MDGA2: variants seen among roughly 807,000 people sequenced by gnomAD.
MDGA2 encodes MAM domain containing glycosylphosphatidylinositol anchor 2.
A neutral mutation model predicts 117.8 loss-of-function variants in MDGA2; 40 were observed. The ratio of observed to expected loss-of-function variants is 0.34; its 90% CI spans 0.26 to 0.44. MDGA2 has a LOEUF of 0.44. MDGA2 is among the 20% of genes least tolerant of loss of function. The pLI, the probability that MDGA2 is intolerant of heterozygous loss-of-function variation, is 1.00. For missense variants in MDGA2, 1,123 were observed against 1,250.6 expected, an observed-to-expected ratio of 0.90 and a Z score of 1.54; for synonymous variants, 452 against 439.0, an observed-to-expected ratio of 1.03 and a Z score of -0.37.
rs749400056 is a variant in MDGA2, at chr14:47,001,677, TTAAAA to T, written c.1819+33329_1819+33333del. Among the ~76,000 whole-genome samples the T allele has an allele frequency of 5.3e-4, 80 of 152,190 alleles. 1 individual carries two copies. In the Middle Eastern group the frequency reaches 0.01, roughly 19 times the overall value. ...ACTACACAAAATGTAATTTTTTTTC[TTAAAA>T]TAAAGAATCCACATTACCCCAAGAG... On this transcript the variant is annotated intron_variant, in intron 8 of 16. Coordinates refer to ENST00000399232, the MANE Select transcript of MDGA2 (RefSeq NM_001113498.3).
intron 1 of MDGA2, among the ~76,000 whole-genome samples, chr14:47,311,940 A>AATAGAATAC (rs1322169709): frequency 6.6e-6 from 1 of 152,136 alleles, no homozygotes; most frequent in Non-Finnish European, 1.5e-5. Flanking sequence ...GGGGAGCAAG[A>AATAGAATAC]ATAGAATACA....
rs2138255442 is a variant in MDGA2, at chr14:46,840,838, G to C, written c.*1093C>G. The C allele has an allele frequency of 6.5e-6, 1 of 152,688 alleles. No homozygotes were observed. The highest frequency in any genetic ancestry group is 2.1e-4 in the South Asian group (1 of 4,832). The allele number at this position is 152,688 out of a possible 1,614,324, so 9.5% of individuals were successfully genotyped here. The stretch of plus-strand genomic sequence containing the variant: ...CATTTAATAACCTGGAAGAAAAAAA[G>C]TGTTGCTCCATGTCTGGTCTCAATG... On this transcript the variant is annotated 3_prime_UTR_variant, in exon 17 of 17. Coordinates refer to ENST00000399232, the MANE Select transcript of MDGA2 (RefSeq NM_001113498.3).
At chr14:47,483,579 C>T (rs1347915456) in intron 1 of MDGA2, among the ~76,000 whole-genome samples, 1 of 152,196 alleles carries the variant, frequency 6.6e-6, no homozygotes, top group Non-Finnish European at 1.5e-5. Context: ...CTGTCTCACA[C>T]AGCATCAAGG....
intron 3 of MDGA2, among the ~76,000 whole-genome samples, chr14:47,203,966 A>G (rs1885596910): frequency 6.6e-6 from 1 of 152,020 alleles, no homozygotes; most frequent in Non-Finnish European, 1.5e-5. Context: ...GTGAGATCTG[A>G]CAGGTGTCAA....
chr14:47,331,559 T>C (rs1481387804), intron 1 of MDGA2, among the ~76,000 whole-genome samples: 1 of 152,006 alleles, frequency 6.6e-6, no homozygotes, highest in Admixed American at 6.6e-5. Flanking sequence ...CACTCTTTCA[T>C]ACCACATTTC....
chr14:47,548,657 GACTTC>G (rs1895512804), intron 1 of MDGA2, among the ~76,000 whole-genome samples: 1 of 152,098 alleles, frequency 6.6e-6, no homozygotes, highest in South Asian at 2.1e-4. Context: ...AACTGTCTTA[GACTTC>G]ACTTCTTGTT....
intron 2 of MDGA2, among the ~76,000 whole-genome samples, chr14:47,246,005 T>TC (rs1395837212): frequency 6.6e-6 from 1 of 151,818 alleles, no homozygotes; most frequent in Non-Finnish European, 1.5e-5. Context: ...CACATAGAGC[T>TC]AATGATTAGT....
intron 8 of MDGA2, among the ~76,000 whole-genome samples, chr14:47,015,838 C>T (rs1039303652): frequency 6.6e-6 from 1 of 151,728 alleles, no homozygotes; most frequent in Non-Finnish European, 1.5e-5. Flanking sequence ...AAAATAAACC[C>T]CCAAAATGCA....
chr14:47,637,915 G>A (rs1378798900), intron 1 of MDGA2, among the ~76,000 whole-genome samples: 1 of 152,156 alleles, frequency 6.6e-6, no homozygotes, highest in African/African-American at 2.4e-5. Context: ...TGTCTACGCT[G>A]TTACCCAAAG....
chr14:47,649,916 T>C (rs1332222124), intron 1 of MDGA2, among the ~76,000 whole-genome samples: 1 of 152,092 alleles, frequency 6.6e-6, no homozygotes, highest in Non-Finnish European at 1.5e-5. Context: ...GAGAATGTAA[T>C]GGTTAATTTT....
At chr14:47,627,603 GGACCAATCAGCTCTTTGTAAAACA>G (rs1897170896) in intron 1 of MDGA2, among the ~76,000 whole-genome samples, 1 of 152,134 alleles carries the variant, frequency 6.6e-6, no homozygotes, top group Non-Finnish European at 1.5e-5. Context: ...CTGTCAAAAC[GGACCAATCAGCTCTTTGTAAAACA>G]GACCAATCGG....
intron 8 of MDGA2, among the ~76,000 whole-genome samples, chr14:47,001,069 C>T (rs187443167): frequency 1.3e-5 from 2 of 152,066 alleles, no homozygotes; most frequent in East Asian, 1.9e-4. Flanking sequence ...AGTGGAACTA[C>T]AGTCAGGAAG....
chr14:47,247,003 G>A (rs1887262709), intron 2 of MDGA2, among the ~76,000 whole-genome samples: 1 of 151,762 alleles, frequency 6.6e-6, no homozygotes, highest in African/African-American at 2.4e-5. Context: ...GTTATCAAAT[G>A]GGCATTGTAC....
At chr14:47,282,383 C>T (rs1888521655) in intron 2 of MDGA2, among the ~76,000 whole-genome samples, 1 of 152,002 alleles carries the variant, frequency 6.6e-6, no homozygotes, top group South Asian at 2.1e-4. Flanking sequence ...CAGATGTTTA[C>T]AAAAATTCAA....
At chr14:47,571,841 G>A (rs1020009556) in intron 1 of MDGA2, among the ~76,000 whole-genome samples, 1 of 151,962 alleles carries the variant, frequency 6.6e-6, no homozygotes, top group African/African-American at 2.4e-5. Flanking sequence ...AACCACCAGG[G>A]CACGTGTATA....
At chr14:46,949,847 C>A (rs893151641) in intron 9 of MDGA2, among the ~76,000 whole-genome samples, 2 of 151,658 alleles carry the variant, frequency 1.3e-5, no homozygotes, top group Non-Finnish European at 2.9e-5. Context: ...ATAATTATTT[C>A]TTTTCCTTTG....
At chr14:47,297,791 A>G (rs1162310727) in intron 2 of MDGA2, among the ~76,000 whole-genome samples, 3 of 152,202 alleles carry the variant, frequency 2.0e-5, no homozygotes, top group African/African-American at 7.2e-5. Flanking sequence ...AAATTGATTT[A>G]AATGCATGTA....
intron 1 of MDGA2, among the ~76,000 whole-genome samples, chr14:47,421,991 G>A (rs921838681): frequency 5.6e-4 from 85 of 151,830 alleles, no homozygotes; most frequent in Non-Finnish European, 1.1e-3. Context: ...ATTGTACAAA[G>A]TTAACAATAT....
intron 7 of MDGA2, among the ~76,000 whole-genome samples, chr14:47,050,095 C>A (rs1045597312): frequency 5.9e-5 from 9 of 151,918 alleles, no homozygotes; most frequent in Admixed American, 5.3e-4. Context: ...ATCTCTGGAG[C>A]CTAAAATCTC....
Sources: gnomAD v4.1 joint callset for allele counts (sites outside exome capture counted in the v4.1 genomes callset) on GRCh38, gnomAD v4.1.1 for gene constraint, MANE v1.5 for transcripts, NCBI Gene and HGNC (gene_info 2026-07-23, HGNC 2026-07-21) for gene names.